The following ADAMTSL1 variants were observed in gnomAD, a reference collection of about 807,000 sequenced individuals.
ADAMTSL1 encodes the protein ADAMTS-like protein 1.
ADAMTSL1 carries 126 observed loss-of-function variants against 201.8 expected under a neutral mutation model. The observed-to-expected ratio is 0.62, with a 90% CI of 0.54 to 0.72. ADAMTSL1 has a LOEUF of 0.72. ADAMTSL1 is among the 30% of genes least tolerant of loss of function. ADAMTSL1 has a pLI of 0.00. For synonymous variants in ADAMTSL1, 1,121 were observed against 903.4 expected (o/e 1.24, Z -4.32); for missense variants, 2,679 against 2,277.8 (o/e 1.18, Z -3.59).
intron 2 of ADAMTSL1, among the ~76,000 whole-genome samples, chr9:18,208,258 G>C (rs147485222): frequency 1.3e-3 from 192 of 152,232 alleles, no homozygotes; most frequent in African/African-American, 4.3e-3. Context: ...GTTAGAAAGA[G>C]GCTATGAGTC....
intron 2 of ADAMTSL1, among the ~76,000 whole-genome samples, chr9:18,184,048 G>A (rs1828620858): frequency 6.6e-6 from 1 of 152,162 alleles, no homozygotes; most frequent in Non-Finnish European, 1.5e-5. Flanking sequence ...AAGAGGGAGA[G>A]ATTAGTTCAT....
intron 28 of ADAMTSL1, 192 bp downstream of exon 28, chr9:18,907,104 G>A (rs1830358696): frequency 9.6e-6 from 6 of 624,356 alleles, no homozygotes; most frequent in Non-Finnish European, 1.6e-5. Flanking sequence ...GCATGACAGG[G>A]TATGCCCCAA....
chr9:18,794,286 G>A (rs1348966432), intron 19 of ADAMTSL1, among the ~76,000 whole-genome samples: 1 of 152,056 alleles, frequency 6.6e-6, no homozygotes, highest in African/African-American at 2.4e-5. Context: ...GTGCACCCCT[G>A]TGGTCTCAGC....
rs1013533370 is a variant in ADAMTSL1 at position 18,776,878 on chromosome 9, G to C, written c.2649G>C (p.Val883=). Residue 883 remains valine, a synonymous_variant, in exon 19 of 29, where the codon GTG becomes GTC. Transcript: ENST00000380548. ...GGCAGAGGAAGCTGCACTTCGTGGT[G>C]GGGGGCTTCGCCTACCTGCTCCCCA... ...TRRQRKLHFV[V]GGFAYLLPKT... 1.2e-6 allele frequency: 2 copies of C among 1,610,366 alleles called. No homozygotes were observed. The highest frequency in any genetic ancestry group is 1.7e-6 in the Non-Finnish European group (2 of 1,178,472).
chr9:18,769,607 G>A (rs563019595), intron 16 of ADAMTSL1, among the ~76,000 whole-genome samples: 1 of 152,262 alleles, frequency 6.6e-6, no homozygotes, highest in East Asian at 1.9e-4. Context: ...GTTTGTGACA[G>A]CCCAAGATGG....
chr9:18,826,197 G>T lies in ADAMTSL1; in HGVS notation c.3935-87G>T, dbSNP rs754030730. On this transcript the variant is annotated intron_variant, in intron 21 of 28. Transcript: ENST00000380548. Reference sequence around the variant, plus strand: ...CTGTAGAGCAGCCCCAGGGAAGGGGGATTCAAGAAGCTATAAATGCCTCTG... The same window carrying T: ...CTGTAGAGCAGCCCCAGGGAAGGGGTATTCAAGAAGCTATAAATGCCTCTG... 4.7e-6 allele frequency: 7 copies of T among 1,483,378 alleles called. No homozygotes were observed. In the South Asian group the frequency reaches 4.9e-5, roughly 10 times the overall value. The allele number at this position is 1,483,378 out of a possible 1,614,324, so 91.9% of individuals were successfully genotyped here.
intron 1 of ADAMTSL1, among the ~76,000 whole-genome samples, chr9:17,978,895 G>A (rs1232995401): frequency 2.6e-5 from 4 of 151,858 alleles, no homozygotes; most frequent in Non-Finnish European, 4.4e-5. Context: ...TTGTTTGTCT[G>A]AGAGAGTCTT....
chr9:18,553,210 C>CTTTTTTTTTTTTTTTTT (rs35874115), intron 3 of ADAMTSL1, among the ~76,000 whole-genome samples: 4 of 135,872 alleles, frequency 2.9e-5, no homozygotes, highest in Non-Finnish European at 6.3e-5. Flanking sequence ...TAGTCCCAGT[C>CTTTTTTTTTTTTTTTTT]TTTTTTTTTT....
chr9:18,424,457 T>G (rs1235421216), intron 2 of ADAMTSL1, among the ~76,000 whole-genome samples: 2 of 152,080 alleles, frequency 1.3e-5, no homozygotes, highest in African/African-American at 4.8e-5. Flanking sequence ...TTACCATCAA[T>G]CAATATATAA....
At chr9:18,251,320 G>T (rs556251947) in intron 2 of ADAMTSL1, among the ~76,000 whole-genome samples, 1 of 152,042 alleles carries the variant, frequency 6.6e-6, no homozygotes, top group African/African-American at 2.4e-5. Context: ...ATATAAAATA[G>T]TTTTCTGAAG....
At chr9:18,282,514 A>G (rs1413423713) in intron 2 of ADAMTSL1, among the ~76,000 whole-genome samples, 1 of 152,248 alleles carries the variant, frequency 6.6e-6, no homozygotes, top group Non-Finnish European at 1.5e-5. Flanking sequence ...CTGTGGTTAA[A>G]AAATAAAATT....
intron 2 of ADAMTSL1, among the ~76,000 whole-genome samples, chr9:18,290,281 ATT>A (rs35411626): frequency 1.4e-5 from 2 of 147,900 alleles, no homozygotes; most frequent in African/African-American, 2.5e-5. Context: ...AGGGGATTAG[ATT>A]TTTTTTTTTT....
chr9:18,746,039 T>C (rs1819121852), intron 15 of ADAMTSL1, among the ~76,000 whole-genome samples: 1 of 152,128 alleles, frequency 6.6e-6, no homozygotes, highest in African/African-American at 2.4e-5. Context: ...ACTCCAGACA[T>C]GCAGTGCCCC....
At chr9:18,202,186 T>C (rs1302121630) in intron 2 of ADAMTSL1, among the ~76,000 whole-genome samples, 1 of 152,138 alleles carries the variant, frequency 6.6e-6, no homozygotes, top group Non-Finnish European at 1.5e-5. Context: ...ATCGTTAGTG[T>C]AAAGTCAGAA....
At chr9:18,006,273 T>C (rs1819822203) in intron 1 of ADAMTSL1, among the ~76,000 whole-genome samples, 1 of 152,000 alleles carries the variant, frequency 6.6e-6, no homozygotes, top group Admixed American at 6.6e-5. Context: ...GTAAAATAAT[T>C]AGGACATTCT....
intron 1 of ADAMTSL1, among the ~76,000 whole-genome samples, chr9:18,480,287 C>G (rs546127116): frequency 6.6e-6 from 1 of 152,294 alleles, no homozygotes; most frequent in South Asian, 2.1e-4. Context: ...TAATTGAGTT[C>G]TCATCAGTGA....
chr9:18,831,101 C>G (rs1409443496), intron 23 of ADAMTSL1, among the ~76,000 whole-genome samples: 1 of 152,160 alleles, frequency 6.6e-6, no homozygotes, highest in East Asian at 1.9e-4. Context: ...TCGTTTTCAT[C>G]TGAAACTTGC....
intron 9 of ADAMTSL1, among the ~76,000 whole-genome samples, chr9:18,670,411 T>A (rs977875809): frequency 3.3e-5 from 5 of 152,176 alleles, no homozygotes; most frequent in African/African-American, 1.2e-4. Flanking sequence ...TAGTCACTAA[T>A]CTGTCCTTTC....
intron 1 of ADAMTSL1, among the ~76,000 whole-genome samples, chr9:17,995,350 T>C (rs903479003): frequency 1.2e-4 from 18 of 152,110 alleles, no homozygotes; most frequent in African/African-American, 3.1e-4. Flanking sequence ...TAGGACTGCT[T>C]TTACCAGATA....
Sources: allele counts gnomAD v4.1 joint callset (sites outside exome capture counted in the v4.1 genomes callset), GRCh38; gene constraint gnomAD v4.1.1; transcripts MANE v1.5; gene names NCBI Gene and HGNC (gene_info 2026-07-23, HGNC 2026-07-21).